LRRC37A2: variants seen among roughly 807,000 people sequenced by gnomAD.
The protein encoded by LRRC37A2 is leucine rich repeat containing 37 member A2, also known as leucine-rich repeat-containing protein 37A2.
In LRRC37A2, 9 loss-of-function variants were observed where a neutral mutation model predicts 68.8. That is an observed-to-expected ratio of 0.13 (90% CI 0.08 to 0.23). LRRC37A2 has a LOEUF of 0.23. Ranked by LOEUF, LRRC37A2 falls within the 10% of genes least tolerant of loss-of-function variation. The pLI is 1.00. For missense variants in LRRC37A2, 168 were observed against 950.4 expected (o/e 0.18, Z 10.82); for synonymous variants, 63 against 367.6 (o/e 0.17, Z 9.48).
the LRRC37A2 span, among the ~76,000 whole-genome samples, chr17:46,728,131 A>G: frequency 6.6e-6 from 1 of 152,220 alleles, no homozygotes; most frequent in East Asian, 1.9e-4. Context: ...TGCAGTATGC[A>G]GAGAAAGCTA....
At chr17:46,839,367 GGCGGGTCCA>G in the LRRC37A2 span, among the ~76,000 whole-genome samples, 1 of 152,206 alleles carries the variant, frequency 6.6e-6, no homozygotes, top group African/African-American at 2.4e-5. Context: ...CTTAGCCCCT[GGCGGGTCCA>G]GGCAGCACTG....
chr17:46,814,993 G>T, the LRRC37A2 span, among the ~76,000 whole-genome samples: 1 of 152,164 alleles, frequency 6.6e-6, no homozygotes, highest in East Asian at 1.9e-4. Context: ...GGCAGGGCAG[G>T]CTGGGGACTC....
At chr17:46,537,155 A>T (rs1196112513) in intron 6 of LRRC37A2, among the ~76,000 whole-genome samples, 8 of 13,880 alleles carry the variant, frequency 5.8e-4, no homozygotes, top group East Asian at 4.2e-3. Context: ...GAATTTTTGG[A>T]TGTCTCTTTT....
At chr17:46,900,168 CATATAT>C in the LRRC37A2 span, among the ~76,000 whole-genome samples, 8,181 of 63,654 alleles carry the variant, frequency 0.13, 418 homozygotes, top group Non-Finnish European at 0.17. Flanking sequence ...TATACATATA[CATATAT>C]ATATATATAT....
At chr17:46,728,796 A>C in the LRRC37A2 span, 1 of 1,198,278 alleles carries the variant, frequency 8.3e-7, no homozygotes, top group African/African-American at 1.6e-5. Context: ...CAAAAACTGA[A>C]TGTTTGGAAT....
At chr17:46,876,670 G>C in the LRRC37A2 span, 1 of 1,593,980 alleles carries the variant, frequency 6.3e-7, no homozygotes, top group Non-Finnish European at 8.6e-7. Context: ...GCTACGTGGA[G>C]TGCCAGCAAT....
chr17:46,589,313 G>A, the LRRC37A2 span, among the ~76,000 whole-genome samples: 16,024 of 75,676 alleles, frequency 0.21, 7 homozygotes, highest in Admixed American at 0.28. Context: ...CTCAGGTTCA[G>A]TGTGAGACTT....
At chr17:46,900,223 A>ATATATATATATACACACATATATATATG in the LRRC37A2 span, among the ~76,000 whole-genome samples, 3 of 131,880 alleles carry the variant, frequency 2.3e-5, no homozygotes, top group East Asian at 2.1e-4. Context: ...ACACACACAT[A>ATATATATATATACACACATATATATATG]TATATATATA....
At chr17:46,944,119 C>T in the LRRC37A2 span, among the ~76,000 whole-genome samples, 4 of 152,210 alleles carry the variant, frequency 2.6e-5, no homozygotes, top group African/African-American at 9.7e-5. Context: ...TTCCAACCTC[C>T]TCAGAAGACA....
At chr17:46,492,333 T>G in the LRRC37A2 span, among the ~76,000 whole-genome samples, 19 of 151,136 alleles carry the variant, frequency 1.3e-4, no homozygotes, top group South Asian at 6.2e-4. Flanking sequence ...GTATTTAAGA[T>G]TCATCTGTGT....
chr17:46,744,283 T>C, the LRRC37A2 span, among the ~76,000 whole-genome samples: 7 of 152,262 alleles, frequency 4.6e-5, no homozygotes, highest in Non-Finnish European at 1.5e-5. Context: ...GTCTATTTCA[T>C]ATTTTACTTA....
the LRRC37A2 span, among the ~76,000 whole-genome samples, chr17:46,928,747 C>T: frequency 5.9e-5 from 9 of 152,266 alleles, no homozygotes; most frequent in East Asian, 7.7e-4. Context: ...TCCCCCAACC[C>T]GATTCCCTTT....
the LRRC37A2 span, among the ~76,000 whole-genome samples, chr17:46,728,237 G>T: frequency 5.6e-4 from 86 of 152,234 alleles, 1 homozygote; most frequent in East Asian, 0.015. Flanking sequence ...CCATCTGAGG[G>T]CCAATCTTAG....
chr17:46,635,823 G>A, the LRRC37A2 span, among the ~76,000 whole-genome samples: 5 of 137,640 alleles, frequency 3.6e-5, 1 homozygote, highest in Non-Finnish European at 8.3e-5. Context: ...GTGTGTGCTC[G>A]TGTGTGAAGC....
chr17:46,840,277 G>C, the LRRC37A2 span, among the ~76,000 whole-genome samples: 77 of 152,024 alleles, frequency 5.1e-4, no homozygotes, highest in Admixed American at 9.2e-4. Context: ...TAGTAGAGAC[G>C]GGGTTTCACC....
At chr17:46,863,701 G>C in the LRRC37A2 span, among the ~76,000 whole-genome samples, 164 of 152,310 alleles carry the variant, frequency 1.1e-3, no homozygotes, top group African/African-American at 3.9e-3. Context: ...CTGGGAGAAG[G>C]TTACAGCATG....
At chr17:46,747,350 G>A in the LRRC37A2 span, among the ~76,000 whole-genome samples, 4 of 152,032 alleles carry the variant, frequency 2.6e-5, no homozygotes, top group Non-Finnish European at 4.4e-5. Context: ...GTGCCATCTC[G>A]GCTCACTCCA....
chr17:46,712,782 A>C, the LRRC37A2 span, among the ~76,000 whole-genome samples: 1 of 152,206 alleles, frequency 6.6e-6, no homozygotes, highest in South Asian at 2.1e-4. Flanking sequence ...CAGAGCAGAA[A>C]AATTGACAAA....
chr17:46,780,593 G>A, the LRRC37A2 span, among the ~76,000 whole-genome samples: 35 of 151,834 alleles, frequency 2.3e-4, 1 homozygote, highest in Admixed American at 2.2e-3. Flanking sequence ...TCGAGACCAC[G>A]GTGAAACCCC....
Sources: gnomAD v4.1 joint callset for allele counts (sites outside exome capture counted in the v4.1 genomes callset) on GRCh38, gnomAD v4.1.1 for gene constraint, MANE v1.5 for transcripts, NCBI Gene and HGNC (gene_info 2026-07-23, HGNC 2026-07-21) for gene names.